The following FGD1 variants were observed in gnomAD, a reference collection of about 807,000 sequenced individuals.
FGD1 encodes FYVE, RhoGEF and PH domain containing 1.
Under a neutral mutation model 65.0 loss-of-function variants are expected in FGD1, and 12 were observed. That is an observed-to-expected ratio of 0.18 (90% confidence interval 0.12 to 0.30). FGD1 has a LOEUF of 0.30. Among genes scored for constraint, FGD1 ranks in the 10% least tolerant of loss-of-function variants. FGD1 has a pLI of 1.00. For synonymous variants in FGD1, 333 were observed against 343.9 expected (o/e 0.97, Z 0.35); for missense variants, 542 against 837.6 (o/e 0.65, Z 4.36).
Position 54,468,299 on chromosome X carries a change from G to A in FGD1, c.1192-367C>T, listed in dbSNP as rs755004032. On this transcript the variant is annotated intron_variant, in intron 5 of 17. Coordinates refer to ENST00000375135, the MANE Select transcript of FGD1 (RefSeq NM_004463.3). ...GAAGTCAGGATCAAGGTCAGGCTTAGAATTAGATTCAGGGTCAGAGAGAAA... is the reference window on the plus strand; with the variant it reads ...GAAGTCAGGATCAAGGTCAGGCTTAAAATTAGATTCAGGGTCAGAGAGAAA... 2.6e-4 allele frequency among the ~76,000 whole-genome samples: 29 copies of A among 111,859 alleles called. No homozygotes were observed. The South Asian group carries it at 7.8e-3, about 30-fold the overall frequency.
chrX:54,466,177 A>G (rs1922754346), intron 6 of FGD1, among the ~76,000 whole-genome samples: 2 of 111,662 alleles, frequency 1.8e-5, no homozygotes, highest in Non-Finnish European at 3.8e-5. Flanking sequence ...TGCTGGGGAC[A>G]CAGAAATGAG....
At chrX:54,460,755 TAAATAA>T (rs1428050779) in intron 8 of FGD1, among the ~76,000 whole-genome samples, 2 of 111,377 alleles carry the variant, frequency 1.8e-5, no homozygotes, top group Admixed American at 9.5e-5. Flanking sequence ...AAATAATAAA[TAAATAA>T]AAATAAAAAT....
At chrX:54,451,802 T>C (rs1922383969) in intron 12 of FGD1, among the ~76,000 whole-genome samples, 1 of 107,614 alleles carries the variant, frequency 9.3e-6, no homozygotes, top group Non-Finnish European at 1.9e-5. Flanking sequence ...GGCAGGAGAA[T>C]CGCTTGAACC....
intron 8 of FGD1, among the ~76,000 whole-genome samples, chrX:54,464,750 TATCTCAGCCTAGAG>T (rs1922723721): frequency 9.1e-6 from 1 of 110,479 alleles, no homozygotes; most frequent in African/African-American, 3.3e-5. Context: ...GGGGAGGAGG[TATCTCAGCCTAGAG>T]ATCCAAATTT....
intron 1 of FGD1, among the ~76,000 whole-genome samples, chrX:54,490,280 C>G (rs148463916): frequency 9.0e-6 from 1 of 111,077 alleles, no homozygotes; most frequent in Non-Finnish European, 1.9e-5. Context: ...CCAAATCCCC[C>G]TGACATGCAG....
intron 1 of FGD1, among the ~76,000 whole-genome samples, chrX:54,472,483 A>G (rs1922917536): frequency 9.0e-6 from 1 of 110,786 alleles, no homozygotes; most frequent in Non-Finnish European, 1.9e-5. Flanking sequence ...GCCTTTTTAT[A>G]CTGTCCCTCT....
chrX:54,467,954 C>T (rs1377339033), intron 5 of FGD1, 22 bp from the exon 6 acceptor site: 5 of 1,167,283 alleles, frequency 4.3e-6, no homozygotes, highest in Non-Finnish European at 5.7e-6. Flanking sequence ...GGCAGAAGCA[C>T]TCAGCCCAGC....
At chrX:54,483,759 C>G (rs1317347319) in intron 1 of FGD1, among the ~76,000 whole-genome samples, 1 of 111,555 alleles carries the variant, frequency 9.0e-6, no homozygotes, top group East Asian at 2.8e-4. Context: ...CCTTCCCCAT[C>G]GCAGGAAGGA....
intron 6 of FGD1, among the ~76,000 whole-genome samples, chrX:54,466,127 G>A (rs1462343006): frequency 9.0e-6 from 1 of 111,681 alleles, no homozygotes; most frequent in African/African-American, 3.3e-5. Context: ...TTACTGCCAG[G>A]ACCACTTCAT....
In FGD1 at chrX:54,446,238, C is replaced by T. The variant is rs61734180; in HGVS notation, c.2757G>A (p.Ala919=). Residue 919 remains alanine, a synonymous_variant, in exon 18 of 18, where the codon GCG becomes GCA. Transcript: ENST00000375135. ...QRRWMAVLGR[A]GRGDTFCPGP... is the part of the protein sequence containing the mutation. ...CCGGGCAGAACGTGTCCCCTCGGCC[C>T]GCCCGGCCAAGCACAGCCATCCAGC... 1,132 of 1,210,669 alleles carry T rather than the reference C, an allele frequency of 9.4e-4. 5 individuals are homozygous for T. In the African/African-American group the frequency reaches 0.018, roughly 19 times the overall value.
chrX:54,478,134 T>C (rs1255982012), intron 1 of FGD1, among the ~76,000 whole-genome samples: 8 of 111,459 alleles, frequency 7.2e-5, no homozygotes, highest in Non-Finnish European at 1.3e-4. Context: ...AAATGACTTA[T>C]TGTATATCTG....
At chrX:54,491,176 T>C (rs1362877627) in intron 1 of FGD1, among the ~76,000 whole-genome samples, 1 of 111,556 alleles carries the variant, frequency 9.0e-6, no homozygotes. Flanking sequence ...CCACTGAACC[T>C]CTTACCTGAA....
At chrX:54,479,041 A>G (rs772635389) in intron 1 of FGD1, among the ~76,000 whole-genome samples, 1 of 112,510 alleles carries the variant, frequency 8.9e-6, no homozygotes, top group Non-Finnish European at 1.9e-5. Context: ...AAGTGTCAAG[A>G]AGTGTAGCTG....
chrX:54,495,745 C>T lies in FGD1; in HGVS notation c.-313G>A, dbSNP rs957303534. The stretch of plus-strand genomic sequence containing the variant: ...CCGGGGGCCCGCTGGGGAGCGCTGT[C>T]TATGCGGCTGCGGTTGGGCGAGGGT... On this transcript the variant is annotated 5_prime_UTR_variant, in exon 1 of 18. Coordinates refer to ENST00000375135, the MANE Select transcript of FGD1 (RefSeq NM_004463.3). 8.9e-6 allele frequency: 1 copy of T among 112,460 alleles called. No individual in the cohort carries two copies. Among genetic ancestry groups the T allele is most frequent in the African/African-American group, 3.3e-5 (1 of 30,472 alleles). The allele number at this position is 112,460 out of a possible 1,213,427, so 9.3% of individuals were successfully genotyped here.
chrX:54,482,234 G>GCACACACACACACA (rs1287986195), intron 1 of FGD1, among the ~76,000 whole-genome samples: 2 of 70,268 alleles, frequency 2.8e-5, no homozygotes, highest in African/African-American at 2.7e-4. Flanking sequence ...GCGCACACGC[G>GCACACACACACACA]CGCACACACA....
chrX:54,468,876 A>G lies in FGD1; in HGVS notation c.1102T>C (p.Leu368=), dbSNP rs1922820168. 2.5e-6 allele frequency: 3 copies of G among 1,182,596 alleles called. No homozygotes were observed. In the East Asian group the frequency reaches 8.9e-5, roughly 35 times the overall value. ...PLMERQESVE[L]TVQQKVFHIA... is the part of the protein sequence containing the mutation. ...TGAAACACCTTTTGCTGCACAGTCA[A>G]CTGGAAAGGAGAAACAGTAACCCCT... Residue 368 remains leucine, a splice_region_variant and synonymous_variant, in exon 5 of 18, where the codon TTG becomes CTG. Transcript: ENST00000375135.
intron 1 of FGD1, among the ~76,000 whole-genome samples, chrX:54,494,411 T>C (rs1923481239): frequency 1.0e-5 from 1 of 98,088 alleles, no homozygotes; most frequent in Non-Finnish European, 2.0e-5. Flanking sequence ...TCTTTTTTTT[T>C]TTTTTTTTTT....
chrX:54,455,561 A>G, intron 11 of FGD1, 34 bp from the exon 12 acceptor site: 2 of 1,125,152 alleles, frequency 1.8e-6, no homozygotes, highest in Non-Finnish European at 2.4e-6. Context: ...TGGTGAGGCC[A>G]CTGAACTCCA....
chrX:54,475,296 G>C (rs1037132594), intron 1 of FGD1, among the ~76,000 whole-genome samples: 9 of 112,619 alleles, frequency 8.0e-5, no homozygotes, highest in Non-Finnish European at 1.5e-4. Context: ...CAAGGTCACA[G>C]AGCAAATCAA....
Sources: allele counts gnomAD v4.1 joint callset (sites outside exome capture counted in the v4.1 genomes callset), GRCh38; gene constraint gnomAD v4.1.1; transcripts MANE v1.5; gene names NCBI Gene and HGNC (gene_info 2026-07-23, HGNC 2026-07-21).